The following PEX5 variants were observed in gnomAD, a reference collection of about 807,000 sequenced individuals.
The protein encoded by PEX5 is peroxisomal biogenesis factor 5, also known as PTS1 receptor.
A neutral mutation model predicts 82.9 loss-of-function variants in PEX5; 52 were observed. That is an observed-to-expected ratio of 0.63 (90% CI 0.50 to 0.79). The LOEUF is 0.79. PEX5 is among the 30% of genes least tolerant of loss of function. The pLI is 0.00. For synonymous variants in PEX5, 300 were observed against 318.8 expected, an observed-to-expected ratio of 0.94 and a Z score of 0.63; for missense variants, 719 against 815.2, an observed-to-expected ratio of 0.88 and a Z score of 1.44.
At chr12:7,189,167 C>T (rs1940428922), upstream of PEX5, 1 of 151,976 alleles carries the variant, frequency 6.6e-6, no homozygotes, top group Non-Finnish European at 1.5e-5. Context: ...GACAGTGACG[C>T]TACCCCGCTA....
At chr12:7,190,763 T>C in intron 2 of PEX5, 125 bp from the exon 3 acceptor site, 1 of 1,305,926 alleles carries the variant, frequency 7.7e-7, no homozygotes, top group Non-Finnish European at 1.1e-6. Context: ...GAAAACCCTG[T>C]GCACCTTTAA....
chr12:7,205,120 T>C (rs1312463253), intron 10 of PEX5, among the ~76,000 whole-genome samples: 1 of 152,206 alleles, frequency 6.6e-6, no homozygotes, highest in Non-Finnish European at 1.5e-5. Flanking sequence ...GTCTTTGCAA[T>C]GATTTTTGGG....
At chr12:7,202,195 C>T in intron 7 of PEX5, 46 bp from the exon 8 acceptor site, 1 of 1,613,192 alleles carries the variant, frequency 6.2e-7, no homozygotes, top group Non-Finnish European at 8.5e-7. Context: ...GAGTGCACAC[C>T]TGGAAGTCCT....
In PEX5 at chr12:7,203,427, T is replaced by C. The variant is rs1465246330; in HGVS notation, c.847-5T>C. On this transcript the variant is annotated splice_polypyrimidine_tract_variant and splice_region_variant and intron_variant, in intron 9 of 15. Transcript: ENST00000675855. ...CTTTTTCTATCTGCTTTCCCTTCCT[T>C]ACAGTCTGATGTCGATTTCTGGGAC... 1 of 1,612,482 alleles carries C rather than the reference T, an allele frequency of 6.2e-7. No individual in the cohort carries two copies. The highest frequency in any genetic ancestry group is 8.5e-7 in the Non-Finnish European group (1 of 1,179,512).
intron 1 of PEX5, 111 bp from the exon 2 acceptor site, chr12:7,190,251 C>A (rs1940742075): frequency 6.3e-7 from 1 of 1,589,428 alleles, no homozygotes; most frequent in Non-Finnish European, 8.5e-7. Context: ...GGGTGGAGGG[C>A]GGCCAGTGTG....
At chr12:7,196,506 G>A in intron 5 of PEX5, among the ~76,000 whole-genome samples, 1 of 104,138 alleles carries the variant, frequency 9.6e-6, no homozygotes, top group Non-Finnish European at 2.0e-5. Context: ...AATTATATAT[G>A]TCACATATAA....
chr12:7,215,923 C>T (rs904842317), downstream of PEX5, among the ~76,000 whole-genome samples: 5 of 151,712 alleles, frequency 3.3e-5, no homozygotes, highest in African/African-American at 2.4e-5. Flanking sequence ...TACAAAGACG[C>T]GATTTAAATT....
chr12:7,209,059 T>C lies in PEX5; in HGVS notation c.1449T>C (p.Pro483=). 1 of 1,614,160 alleles carries C rather than the reference T, an allele frequency of 6.2e-7. No homozygotes were observed. The highest frequency in any genetic ancestry group is 8.5e-7 in the Non-Finnish European group (1 of 1,180,002). The change falls in exon 14 of 16, where the codon CCT becomes CCC. Residue 483 remains proline (P), a synonymous_variant. Coordinates refer to ENST00000675855, the MANE Select transcript of PEX5 (RefSeq NM_001351132.2). The part of the protein sequence containing the change: ...ELFLAAVRLD[P]TSIDPDVQCG... Reference sequence around the variant, plus strand: ...TCCTGGCAGCTGTGCGGCTGGACCCTACCTCCATTGACCCTGATGTGCAGT... The same window carrying C: ...TCCTGGCAGCTGTGCGGCTGGACCCCACCTCCATTGACCCTGATGTGCAGT...
chr12:7,197,460 TAATTATA>T lies in PEX5; in HGVS notation c.449-1550_449-1544del, dbSNP rs1371208972. 2.1e-3 allele frequency among the ~76,000 whole-genome samples: 111 copies of T among 52,148 alleles called. 3 individuals are homozygous for T. Among genetic ancestry groups the T allele is most frequent in the South Asian group, 0.014 (19 of 1,330 alleles). The allele number at this position is 52,148 out of a possible 152,430, so 34.2% of individuals were successfully genotyped here. The stretch of plus-strand genomic sequence containing the variant: ...TGTAATTATGTTATATATAATGTAA[TAATTATA>T]TATGTTATATATAATATAATAATTA... On this transcript the variant is annotated intron_variant, in intron 5 of 15. Coordinates refer to ENST00000675855, the MANE Select transcript of PEX5 (RefSeq NM_001351132.2).
chr12:7,197,548 TTA>T (rs1261803756), intron 5 of PEX5, among the ~76,000 whole-genome samples: 1 of 133,192 alleles, frequency 7.5e-6, no homozygotes, highest in East Asian at 2.1e-4. Flanking sequence ...ATTATATATG[TTA>T]TATATAATAT....
downstream of PEX5, among the ~76,000 whole-genome samples, chr12:7,214,107 A>G (rs1166380113): frequency 6.6e-6 from 1 of 152,128 alleles, no homozygotes; most frequent in Admixed American, 6.5e-5. Flanking sequence ...AAATAGGAAC[A>G]CTTTTACACT....
intron 7 of PEX5, 172 bp from the exon 8 acceptor site, chr12:7,202,069 G>A (rs1324880505): frequency 3.8e-6 from 4 of 1,046,146 alleles, no homozygotes; most frequent in Non-Finnish European, 5.7e-6. Context: ...AGTCTTTAGA[G>A]CCAGAAATCC....
chr12:7,204,983 GTGAAAC>G (rs1316582004), intron 10 of PEX5, among the ~76,000 whole-genome samples: 1 of 152,154 alleles, frequency 6.6e-6, no homozygotes, highest in Non-Finnish European at 1.5e-5. Context: ...GTGCAAAAGA[GTGAAAC>G]TGAACCGTTA....
At chr12:7,209,482 AAG>A (rs1186536587) in intron 14 of PEX5, among the ~76,000 whole-genome samples, 199 bp from the exon 15 acceptor site, 2 of 152,194 alleles carry the variant, frequency 1.3e-5, no homozygotes, top group African/African-American at 4.8e-5. Flanking sequence ...ATCTGGACAT[AAG>A]AGAGTCTGCA....
intron 10 of PEX5, among the ~76,000 whole-genome samples, chr12:7,205,337 A>T (rs766314236): frequency 7.2e-5 from 11 of 152,220 alleles, no homozygotes; most frequent in Admixed American, 2.0e-4. Context: ...ATTGAATTCC[A>T]TGTCAATAGA....
chr12:7,198,312 C>T (rs898019765), intron 5 of PEX5, among the ~76,000 whole-genome samples: 22 of 152,092 alleles, frequency 1.4e-4, no homozygotes, highest in Admixed American at 1.4e-3. Context: ...TGTAAACGTT[C>T]TGTATCTTGA....
At chr12:7,213,091 G>A (rs1945670728), downstream of PEX5, among the ~76,000 whole-genome samples, 1 of 151,930 alleles carries the variant, frequency 6.6e-6, no homozygotes, top group African/African-American at 2.4e-5. Flanking sequence ...ACAAACAAAT[G>A]GAAGAACATT....
chr12:7,203,566 C>CTTA lies in PEX5; in HGVS notation c.966+16_966+18dup. The CTTA allele has an allele frequency of 6.2e-7, 1 of 1,611,300 alleles. No homozygotes were observed. The highest frequency in any genetic ancestry group is 8.5e-7 in the Non-Finnish European group (1 of 1,178,652). On this transcript the variant is annotated intron_variant, in intron 10 of 15. Coordinates refer to ENST00000675855, the MANE Select transcript of PEX5 (RefSeq NM_001351132.2). ...CCTATGATAAGGTGAGGTAAAAACT[C>CTTA]TTAGTTTTTCAGGTTCCAGAACTTC... is the stretch of plus-strand genomic sequence containing the variant.
chr12:7,200,323 C>T (rs772079862), intron 6 of PEX5, among the ~76,000 whole-genome samples: 25 of 150,172 alleles, frequency 1.7e-4, no homozygotes, highest in South Asian at 8.5e-4. Flanking sequence ...CTCACTTCCT[C>T]GATGGGATGG....
Sources: gnomAD v4.1 joint callset for allele counts (sites outside exome capture counted in the v4.1 genomes callset) on GRCh38, gnomAD v4.1.1 for gene constraint, MANE v1.5 for transcripts, NCBI Gene and HGNC (gene_info 2026-07-23, HGNC 2026-07-21) for gene names.